Variants in MAML2 observed in about 807,000 individuals in gnomAD.
The protein encoded by MAML2 is mastermind like transcriptional coactivator 2.
A neutral mutation model predicts 96.1 loss-of-function variants in MAML2; 22 were observed. That is an observed-to-expected ratio of 0.23 (90% CI 0.16 to 0.33). The LOEUF (loss-of-function observed/expected upper bound fraction) is 0.33. Among genes scored for constraint, MAML2 ranks in the 10% least tolerant of loss-of-function variants. The probability of loss-of-function intolerance (pLI) is 1.00; values close to 1 mark genes in which losing one functional copy is unlikely to be tolerated. For missense variants in MAML2, 1,367 were observed against 1,392.4 expected (o/e 0.98, Z 0.29); for synonymous variants, 561 against 521.3 (o/e 1.08, Z -1.04).
intron 1 of MAML2, among the ~76,000 whole-genome samples, chr11:96,124,306 T>C (rs2135849214): frequency 6.6e-6 from 1 of 152,284 alleles, no homozygotes; most frequent in African/African-American, 2.4e-5. Flanking sequence ...ATAAGACCTG[T>C]CTCTGCCTTT....
intron 1 of MAML2, among the ~76,000 whole-genome samples, chr11:96,262,624 C>T (rs941486367): frequency 7.9e-5 from 12 of 152,238 alleles, no homozygotes; most frequent in Non-Finnish European, 1.2e-4. Flanking sequence ...CCCGCCACCA[C>T]GCCTGGCTAA....
intron 2 of MAML2, among the ~76,000 whole-genome samples, chr11:96,069,594 T>C (rs927881743): frequency 2.0e-5 from 3 of 152,092 alleles, no homozygotes; most frequent in African/African-American, 7.2e-5. Flanking sequence ...GGAGGATCAC[T>C]AGAGCCCAGG....
intron 1 of MAML2, among the ~76,000 whole-genome samples, chr11:96,310,980 G>A (rs555908802): frequency 1.3e-5 from 2 of 152,278 alleles, no homozygotes; most frequent in South Asian, 4.1e-4. Flanking sequence ...CATCTAAGGA[G>A]TCCCAACTAT....
intron 1 of MAML2, among the ~76,000 whole-genome samples, chr11:96,160,863 TTGATTA>T (rs71459789): frequency 0.24 from 37,101 of 152,058 alleles, 5,071 homozygotes; most frequent in Non-Finnish European, 0.32. Context: ...GTATCTATTA[TTGATTA>T]TAAGTGCGCA....
chr11:96,214,143 T>A (rs934739752), intron 1 of MAML2, among the ~76,000 whole-genome samples: 1 of 152,236 alleles, frequency 6.6e-6, no homozygotes, highest in Non-Finnish European at 1.5e-5. Context: ...TGCTCAGAAT[T>A]TCTATGGAAT....
intron 1 of MAML2, among the ~76,000 whole-genome samples, chr11:96,193,795 G>C (rs911457813): frequency 2.0e-5 from 3 of 152,160 alleles, no homozygotes; most frequent in African/African-American, 7.2e-5. Flanking sequence ...TAGCCAAACA[G>C]TCTCCTTATT....
chr11:96,342,319 A>G lies in MAML2; in HGVS notation c.-424T>C. On this transcript the variant is annotated 5_prime_UTR_variant, in exon 1 of 5. Transcript: ENST00000524717. ...GAAACACACAGCAAAAGGTATTGAG[A>G]GAGGTATTAATAGAGAGGACTCCCC... 1 of 419,074 alleles carries G rather than the reference A, an allele frequency of 2.4e-6. No homozygotes were observed. Among genetic ancestry groups the G allele is most frequent in the South Asian group, 9.3e-5 (1 of 10,804 alleles). The allele number at this position is 419,074 out of a possible 1,614,324, so 26.0% of individuals were successfully genotyped here.
intron 1 of MAML2, among the ~76,000 whole-genome samples, chr11:96,109,172 A>G (rs1860078286): frequency 6.6e-6 from 1 of 152,190 alleles, no homozygotes; most frequent in Non-Finnish European, 1.5e-5. Flanking sequence ...GGGAACCACT[A>G]TAGTGATAAG....
chr11:96,149,468 A>T (rs993551437), intron 1 of MAML2, among the ~76,000 whole-genome samples: 4 of 147,200 alleles, frequency 2.7e-5, no homozygotes, highest in African/African-American at 1.0e-4. Flanking sequence ...GCAGTGGCTC[A>T]TGCCTGTAAT....
At chr11:96,060,948 C>A (rs1286453345) in intron 2 of MAML2, among the ~76,000 whole-genome samples, 1 of 152,156 alleles carries the variant, frequency 6.6e-6, no homozygotes, top group Non-Finnish European at 1.5e-5. Flanking sequence ...GAAAGAGAGA[C>A]TGAGAACTCA....
chr11:96,020,481 A>G (rs915029462), intron 2 of MAML2, among the ~76,000 whole-genome samples: 7 of 152,246 alleles, frequency 4.6e-5, no homozygotes, highest in Admixed American at 3.9e-4. Context: ...TTTAATGTGC[A>G]TATGAATCAC....
chr11:96,065,220 G>A lies in MAML2; in HGVS notation c.2139+26672C>T, dbSNP rs191871572. Among the ~76,000 whole-genome samples, 7 of 152,158 alleles carry A rather than the reference G, an allele frequency of 4.6e-5. No individual in the cohort carries two copies. In the East Asian group the frequency reaches 7.7e-4, roughly 17 times the overall value. ...AAAAGTTGCTATGAAAATTGCCCTC[G>A]TTTTATCAAATATTTATTCCAAAGC... On this transcript the variant is annotated intron_variant, in intron 2 of 4. Coordinates refer to ENST00000524717, the MANE Select transcript of MAML2 (RefSeq NM_032427.4).
chr11:96,245,797 G>A (rs138996000), intron 1 of MAML2, among the ~76,000 whole-genome samples: 2,355 of 150,738 alleles, frequency 0.016, 27 homozygotes, highest in Non-Finnish European at 0.024. Flanking sequence ...CTCTGCCTCC[G>A]GGGTTCAAGC....
At chr11:96,239,016 G>C (rs531024605) in intron 1 of MAML2, among the ~76,000 whole-genome samples, 15 of 152,320 alleles carry the variant, frequency 9.8e-5, no homozygotes, top group African/African-American at 3.4e-4. Flanking sequence ...TTAGGCACAA[G>C]CTTGCCAGCT....
chr11:96,166,075 T>C (rs4753740), intron 1 of MAML2, among the ~76,000 whole-genome samples: 14,210 of 152,018 alleles, frequency 0.093, 859 homozygotes, highest in East Asian at 0.21. Flanking sequence ...CCAGCATTTC[T>C]CTCGCTCTCT....
chr11:96,056,497 T>C (rs946305366), intron 2 of MAML2, among the ~76,000 whole-genome samples: 3 of 152,206 alleles, frequency 2.0e-5, no homozygotes, highest in African/African-American at 7.2e-5. Flanking sequence ...TTCAATTCTT[T>C]ATGTGTAGCA....
chr11:96,127,294 T>C (rs1860457209), intron 1 of MAML2, among the ~76,000 whole-genome samples: 1 of 152,226 alleles, frequency 6.6e-6, no homozygotes, highest in Non-Finnish European at 1.5e-5. Context: ...AAGTCTTTTC[T>C]CTGGATTGAA....
Position 95,978,923 on chromosome 11 carries a change from T to C in MAML2, c.*25A>G. 6.3e-7 allele frequency: 1 copy of C among 1,576,126 alleles called. No individual in the cohort carries two copies. The highest frequency in any genetic ancestry group is 8.6e-7 in the Non-Finnish European group (1 of 1,162,420). On this transcript the variant is annotated 3_prime_UTR_variant, in exon 5 of 5. Transcript: ENST00000524717. ...TATACTGCCTTTTAGTGCTTGGAGT[T>C]TGTAAATTGTCTTCCCTTTCTTCTT... is the stretch of plus-strand genomic sequence containing the variant.
chr11:95,983,036 T>A (rs1212709057), intron 4 of MAML2, among the ~76,000 whole-genome samples: 1 of 152,156 alleles, frequency 6.6e-6, no homozygotes, highest in Non-Finnish European at 1.5e-5. Flanking sequence ...TGGAGTGTAC[T>A]CCTTCTACTT....
Sources: gnomAD v4.1 joint callset for allele counts (sites outside exome capture counted in the v4.1 genomes callset) on GRCh38, gnomAD v4.1.1 for gene constraint, MANE v1.5 for transcripts, NCBI Gene and HGNC (gene_info 2026-07-23, HGNC 2026-07-21) for gene names.